Variants in ARHGAP6 observed in about 807,000 individuals in gnomAD.
ARHGAP6 encodes the protein Rho GTPase activating protein 6, also known as rho GTPase-activating protein 6.
In ARHGAP6, 16 loss-of-function variants were observed where a neutral mutation model predicts 55.7. The observed-to-expected ratio is 0.29, with a 90% CI of 0.19 to 0.44. The LOEUF (loss-of-function observed/expected upper bound fraction) is 0.44, where lower values mean the gene tolerates loss of function less well. Ranked by LOEUF, ARHGAP6 falls within the 20% of genes least tolerant of loss-of-function variation. The pLI is 1.00. For synonymous variants in ARHGAP6, 382 were observed against 360.9 expected (o/e 1.06, Z -0.66); for missense variants, 698 against 808.9 (o/e 0.86, Z 1.66).
chrX:11,644,506 T>TA (rs1488997144), intron 1 of ARHGAP6, among the ~76,000 whole-genome samples: 1 of 110,867 alleles, frequency 9.0e-6, no homozygotes, highest in African/African-American at 3.3e-5. Flanking sequence ...ACCTGATTTT[T>TA]AAAAAATGGG....
In ARHGAP6 at chrX:11,361,819, C is replaced by A. The variant is rs776601334; in HGVS notation, c.589-107112G>T. On this transcript the variant is annotated intron_variant, in intron 1 of 12. Coordinates refer to ENST00000337414, the MANE Select transcript of ARHGAP6 (RefSeq NM_013427.3). ...AAACAAATTTACAAGAAAAAAACGA[C>A]CAACCCCATCAAAAAGTGGGCGAAG... 4.2e-4 allele frequency among the ~76,000 whole-genome samples: 47 copies of A among 111,580 alleles called. No individual in the cohort carries two copies. The South Asian group carries it at 0.015, about 35-fold the overall frequency.
At chrX:11,387,799 C>T (rs373791829) in intron 1 of ARHGAP6, among the ~76,000 whole-genome samples, 198 of 110,728 alleles carry the variant, frequency 1.8e-3, no homozygotes, top group East Asian at 9.1e-3. Flanking sequence ...TGAGAACATG[C>T]GGTGTTTGGT....
At chrX:11,443,965 A>T (rs934328050) in intron 1 of ARHGAP6, among the ~76,000 whole-genome samples, 3 of 112,383 alleles carry the variant, frequency 2.7e-5, no homozygotes, top group East Asian at 2.8e-4. Flanking sequence ...AAAAAAAAAA[A>T]AATATTTCCT....
intron 1 of ARHGAP6, among the ~76,000 whole-genome samples, chrX:11,480,971 A>T (rs2050450546): frequency 8.9e-6 from 1 of 112,204 alleles, no homozygotes; most frequent in African/African-American, 3.2e-5. Context: ...GTTTTATTCA[A>T]ATAACTCACA....
chrX:11,567,566 A>AAAAAAATATATATATATATAT (rs1440758737), intron 1 of ARHGAP6, among the ~76,000 whole-genome samples: 1 of 84,403 alleles, frequency 1.2e-5, no homozygotes, highest in African/African-American at 4.7e-5. Context: ...AAAAAAAAAA[A>AAAAAAATATATATATATATAT]ATATATATAT....
rs1261205694 is a variant in ARHGAP6 at position 11,155,596 on chromosome X, A to C, written c.1907+933T>G. Among the ~76,000 whole-genome samples the C allele has an allele frequency of 4.5e-5, 5 of 111,963 alleles. No homozygotes were observed. In the Admixed American group the frequency reaches 4.7e-4, roughly 11 times the overall value. ...GTTACAGGTACGGGATTACGTTAGGAGCTTATCATTGGTTATAAGATTAGT... is the reference window on the plus strand; with the variant it reads ...GTTACAGGTACGGGATTACGTTAGGCGCTTATCATTGGTTATAAGATTAGT... On this transcript the variant is annotated intron_variant, in intron 10 of 12. Transcript: ENST00000337414.
At chrX:11,228,737 A>G (rs1423570359) in intron 2 of ARHGAP6, among the ~76,000 whole-genome samples, 1 of 112,453 alleles carries the variant, frequency 8.9e-6, no homozygotes, top group Non-Finnish European at 1.9e-5. Flanking sequence ...AACTGCAGTA[A>G]GAGTTGGCAC....
At position 11,151,049 on chromosome X, in the gene ARHGAP6, C is replaced by T. The variant is rs766418921; in HGVS notation, c.1907+5480G>A. Among the ~76,000 whole-genome samples, 194 of 111,279 alleles carry T rather than the reference C, an allele frequency of 1.7e-3. 1 individual carries two copies. Among genetic ancestry groups the T allele is most frequent in the African/African-American group, 6.2e-3 (190 of 30,615 alleles). The stretch of plus-strand genomic sequence containing the variant: ...CACTTGCCTCTCACTAAGTCCCAGT[C>T]CTACTGTGATTCCTTTGTTTTGTTG... On this transcript the variant is annotated intron_variant, in intron 10 of 12. Transcript: ENST00000337414.
chrX:11,284,070 A>G (rs936910170), intron 1 of ARHGAP6, among the ~76,000 whole-genome samples: 1 of 111,828 alleles, frequency 8.9e-6, no homozygotes, highest in Non-Finnish European at 1.9e-5. Context: ...TCCCTTTCTC[A>G]GGCCTACTAA....
rs2045568371 is a variant in ARHGAP6, at chrX:11,137,886, G to C, written c.*977C>G. 8.9e-6 allele frequency: 1 copy of C among 112,221 alleles called. No homozygotes were observed. 9.2% of individuals were successfully genotyped at this position (112,221 alleles called of 1,213,427 possible). On this transcript the variant is annotated 3_prime_UTR_variant, in exon 13 of 13. Coordinates refer to ENST00000337414, the MANE Select transcript of ARHGAP6 (RefSeq NM_013427.3). ...TAGGCCTTTTACCAAATGTGATTTA[G>C]TTTTTAAGGAATTGCATGTAATTTG... is the stretch of plus-strand genomic sequence containing the variant.
At chrX:11,203,160 C>T (rs1417458832) in intron 2 of ARHGAP6, among the ~76,000 whole-genome samples, 5 of 111,836 alleles carry the variant, frequency 4.5e-5, no homozygotes, top group African/African-American at 1.3e-4. Flanking sequence ...TTGATTTCCT[C>T]GCTCTGGATA....
At chrX:11,287,534 T>C (rs1421608148) in intron 1 of ARHGAP6, among the ~76,000 whole-genome samples, 4 of 112,231 alleles carry the variant, frequency 3.6e-5, no homozygotes, top group Admixed American at 9.4e-5. Context: ...GGACAGTGGA[T>C]ACAAATGCTC....
intron 1 of ARHGAP6, among the ~76,000 whole-genome samples, chrX:11,583,843 A>C (rs192951894): frequency 8.6e-4 from 96 of 112,112 alleles, no homozygotes; most frequent in African/African-American, 3.0e-3. Flanking sequence ...TTCCAGCTTG[A>C]AAGAAAAATA....
At chrX:11,310,949 T>G (rs1448004143) in intron 1 of ARHGAP6, among the ~76,000 whole-genome samples, 2 of 112,198 alleles carry the variant, frequency 1.8e-5, no homozygotes, top group African/African-American at 6.5e-5. Flanking sequence ...TATCAGGTAG[T>G]TGGCATCTCC....
At chrX:11,307,244 A>G in intron 1 of ARHGAP6, among the ~76,000 whole-genome samples, 1 of 111,273 alleles carries the variant, frequency 9.0e-6, no homozygotes, top group Non-Finnish European at 1.9e-5. Context: ...AGCCCATTTC[A>G]AGCAGCATTC....
intron 1 of ARHGAP6, among the ~76,000 whole-genome samples, chrX:11,360,799 C>T (rs1351427454): frequency 3.6e-5 from 4 of 110,901 alleles, no homozygotes; most frequent in Admixed American, 1.9e-4. Flanking sequence ...GATAAGCAAC[C>T]TCAGCAAAGT....
intron 2 of ARHGAP6, among the ~76,000 whole-genome samples, chrX:11,241,581 T>C (rs1811757239): frequency 9.2e-6 from 1 of 108,259 alleles, no homozygotes; most frequent in African/African-American, 3.4e-5. Context: ...TGTGCGCGTG[T>C]GTCATCTTCA....
intron 1 of ARHGAP6, among the ~76,000 whole-genome samples, chrX:11,329,573 G>A (rs1266697118): frequency 8.9e-6 from 1 of 112,086 alleles, no homozygotes; most frequent in Non-Finnish European, 1.9e-5. Context: ...CTCTGTTAAA[G>A]TACAATCACG....
chrX:11,232,358 C>T (rs1349668405), intron 2 of ARHGAP6, among the ~76,000 whole-genome samples: 1 of 111,647 alleles, frequency 9.0e-6, no homozygotes, highest in Non-Finnish European at 1.9e-5. Context: ...TGGTGGCTTA[C>T]ACCTGTAATC....
Sources: gnomAD v4.1 joint callset for allele counts (sites outside exome capture counted in the v4.1 genomes callset) on GRCh38, gnomAD v4.1.1 for gene constraint, MANE v1.5 for transcripts, NCBI Gene and HGNC (gene_info 2026-07-23, HGNC 2026-07-21) for gene names.